Variants in ASPRV1 observed in about 807,000 individuals in gnomAD.
The protein encoded by ASPRV1 is aspartic peptidase retroviral like 1.
Under a neutral mutation model 11.0 loss-of-function variants are expected in ASPRV1, and 7 were observed. That is an observed-to-expected ratio of 0.64 (90% CI 0.36 to 1.20). The LOEUF (loss-of-function observed/expected upper bound fraction) is 1.20, where lower values mean the gene tolerates loss of function less well. Among genes scored for constraint, ASPRV1 ranks in the 50% most tolerant of loss-of-function variants. The pLI is 0.02. For synonymous variants in ASPRV1, 136 were observed against 138.4 expected, an observed-to-expected ratio of 0.98 and a Z score of 0.12; for missense variants, 299 against 320.0, an observed-to-expected ratio of 0.93 and a Z score of 0.50.
the ASPRV1 span, among the ~76,000 whole-genome samples, chr2:70,057,726 G>A: frequency 1.3e-5 from 2 of 151,810 alleles, no homozygotes; most frequent in Middle Eastern, 3.2e-3. Flanking sequence ...TGATTCACCC[G>A]CCTCGGCCTC....
chr2:70,080,030 T>C, the ASPRV1 span, among the ~76,000 whole-genome samples: 34,384 of 152,114 alleles, frequency 0.23, 6,955 homozygotes, highest in African/African-American at 0.51. Context: ...ATCAGAGAAA[T>C]GAGTTATTTA....
chr2:69,954,810 G>A, the ASPRV1 span, among the ~76,000 whole-genome samples: 1 of 152,136 alleles, frequency 6.6e-6, no homozygotes, highest in Non-Finnish European at 1.5e-5. Context: ...GTCACTCTAA[G>A]CCCTGCCTGC....
chr2:70,033,005 T>C, the ASPRV1 span, among the ~76,000 whole-genome samples: 1 of 152,112 alleles, frequency 6.6e-6, no homozygotes, highest in Non-Finnish European at 1.5e-5. Context: ...AGCAATCAGA[T>C]ATCAGCTACA....
the ASPRV1 span, among the ~76,000 whole-genome samples, chr2:70,034,285 A>T: frequency 1.3e-5 from 2 of 149,842 alleles, no homozygotes; most frequent in African/African-American, 4.9e-5. Context: ...CAATGGCATG[A>T]TCTCAGCTCA....
chr2:70,043,423 TA>T, the ASPRV1 span, among the ~76,000 whole-genome samples: 854 of 146,214 alleles, frequency 5.8e-3, 3 homozygotes, highest in African/African-American at 0.018. Flanking sequence ...GTCTCGCATT[TA>T]AAAAAAAAAA....
chr2:70,085,302 C>G, the ASPRV1 span, among the ~76,000 whole-genome samples: 4 of 152,150 alleles, frequency 2.6e-5, no homozygotes, highest in Non-Finnish European at 5.9e-5. Context: ...TCTGGGCAGG[C>G]TGAATCACTT....
chr2:70,082,371 C>G, the ASPRV1 span, among the ~76,000 whole-genome samples: 65 of 152,154 alleles, frequency 4.3e-4, no homozygotes, highest in African/African-American at 1.5e-3. Context: ...GAATTCAAAA[C>G]CAACCTGAGC....
At chr2:70,020,738 C>CA in the ASPRV1 span, among the ~76,000 whole-genome samples, 1 of 151,892 alleles carries the variant, frequency 6.6e-6, no homozygotes, top group Non-Finnish European at 1.5e-5. Context: ...ACAAAAAAGA[C>CA]ATTGTGCAGA....
chr2:70,064,873 C>T, the ASPRV1 span, among the ~76,000 whole-genome samples: 1 of 152,046 alleles, frequency 6.6e-6, no homozygotes, highest in African/African-American at 2.4e-5. Context: ...GCAGGCGGAA[C>T]GTTTGAGGTC....
At chr2:70,061,410 CA>C in the ASPRV1 span, among the ~76,000 whole-genome samples, 1 of 136,552 alleles carries the variant, frequency 7.3e-6, no homozygotes, top group Non-Finnish European at 1.6e-5. Flanking sequence ...AAAAAAAAAA[CA>C]AAAAAAAACC....
chr2:70,073,360 A>G, the ASPRV1 span: 1 of 152,176 alleles, frequency 6.6e-6, no homozygotes, highest in Admixed American at 6.6e-5. Context: ...TTTTTTAAAT[A>G]TCCAACCAGG....
chr2:69,980,772 T>TATTTA, the ASPRV1 span, among the ~76,000 whole-genome samples: 34,182 of 151,986 alleles, frequency 0.22, 6,763 homozygotes, highest in African/African-American at 0.5. Context: ...TTATTTTATT[T>TATTTA]TTTATTTACT....
the ASPRV1 span, among the ~76,000 whole-genome samples, chr2:70,034,386 T>C: frequency 3.3e-5 from 5 of 150,746 alleles, no homozygotes; most frequent in Non-Finnish European, 7.4e-5. Flanking sequence ...CTGGCCAACA[T>C]GGTGAAACCC....
At chr2:69,956,908 C>T (rs72910662), downstream of ASPRV1, among the ~76,000 whole-genome samples, 1,940 of 152,242 alleles carry the variant, frequency 0.013, 40 homozygotes, top group South Asian at 0.037. Flanking sequence ...AACTGAGGAA[C>T]ATTCTACAGA....
chr2:70,032,631 C>G, the ASPRV1 span, among the ~76,000 whole-genome samples: 2 of 152,150 alleles, frequency 1.3e-5, no homozygotes, highest in Non-Finnish European at 2.9e-5. Context: ...GCACTTCAGC[C>G]TGGGTGACAG....
At chr2:69,965,285 G>A (rs1678298190), upstream of ASPRV1, among the ~76,000 whole-genome samples, 4 of 151,900 alleles carry the variant, frequency 2.6e-5, no homozygotes, top group Non-Finnish European at 5.9e-5. Context: ...CACCCGCCTC[G>A]GCCTCCCAAA....
chr2:69,967,072 A>C, the ASPRV1 span, among the ~76,000 whole-genome samples: 1 of 152,244 alleles, frequency 6.6e-6, no homozygotes, highest in African/African-American at 2.4e-5. Context: ...GCTGTAAATC[A>C]GTGTCAGGCA....
the ASPRV1 span, chr2:70,032,084 A>C: frequency 6.6e-6 from 1 of 152,200 alleles, no homozygotes; most frequent in Admixed American, 6.5e-5. Context: ...ATCTGGTCTG[A>C]GAGTGGGGAA....
Position 69,961,407 on chromosome 2 carries a change from T to G in ASPRV1, c.30A>C (p.Glu10Asp), listed in dbSNP as rs1383008807. 1 of 1,614,090 alleles carries G rather than the reference T, an allele frequency of 6.2e-7. No individual in the cohort carries two copies. The highest frequency in any genetic ancestry group is 1.7e-5 in the Admixed American group (1 of 60,028). The change falls in exon 1 of 1, where the codon GAA (glutamate) becomes GAC (aspartate). Residue 10 changes from glutamate (E) to aspartate (D), a missense_variant. Glu to Asp is a conservative substitution (Grantham distance 45, BLOSUM62 2). Transcript: ENST00000320256. The stretch of plus-strand genomic sequence containing the variant: ...GGACGAAGGCATGCTGCCGGCGGCC[T>G]TCCTCACTCCTGGCTCCGCTCCCGG... MAGSGARSE[E>D]GRRQHAFVPE...
Sources: gnomAD v4.1 joint callset for allele counts (sites outside exome capture counted in the v4.1 genomes callset) on GRCh38, gnomAD v4.1.1 for gene constraint, MANE v1.5 for transcripts, NCBI Gene and HGNC (gene_info 2026-07-23, HGNC 2026-07-21) for gene names.